The following LPP variants were observed in gnomAD, a reference collection of about 807,000 sequenced individuals.
LPP encodes LIM domain containing preferred translocation partner in lipoma.
A neutral mutation model predicts 60.4 loss-of-function variants in LPP; 38 were observed. The observed-to-expected ratio is 0.63, with a 90% CI of 0.49 to 0.83. The LOEUF is 0.83. LPP is among the 40% of genes least tolerant of loss of function. The pLI is 0.00. For missense variants in LPP, 902 were observed against 783.6 expected (o/e 1.15, Z -1.80); for synonymous variants, 328 against 290.8 (o/e 1.13, Z -1.30).
At chr3:188,672,984 C>T (rs1857253639) in intron 7 of LPP, among the ~76,000 whole-genome samples, 2 of 149,362 alleles carry the variant, frequency 1.3e-5, no homozygotes, top group African/African-American at 5.0e-5. Flanking sequence ...TGTTTCCATT[C>T]AGCACTCGTG....
intron 9 of LPP, among the ~76,000 whole-genome samples, chr3:188,803,155 G>A (rs1020431659): frequency 2.7e-5 from 4 of 145,476 alleles, no homozygotes; most frequent in Admixed American, 7.2e-5. Flanking sequence ...AGCAAATCTT[G>A]TGCTTCAACC....
chr3:188,275,352 C>CTTTATTTA (rs905008286), intron 2 of LPP, among the ~76,000 whole-genome samples: 2 of 152,094 alleles, frequency 1.3e-5, no homozygotes, highest in African/African-American at 4.8e-5. Flanking sequence ...GTGTTACCCA[C>CTTTATTTA]TTTATTTATT....
At chr3:188,725,024 T>A (rs1717847275) in intron 8 of LPP, among the ~76,000 whole-genome samples, 1 of 152,256 alleles carries the variant, frequency 6.6e-6, no homozygotes, top group Non-Finnish European at 1.5e-5. Flanking sequence ...TCAATGTATC[T>A]GTGAATTTTG....
intron 7 of LPP, among the ~76,000 whole-genome samples, chr3:188,676,621 C>T (rs1027184674): frequency 9.8e-5 from 15 of 152,294 alleles, no homozygotes; most frequent in African/African-American, 2.6e-4. Flanking sequence ...TCTCCATCAA[C>T]ATCTAAAGGT....
At chr3:188,824,683 G>T (rs1754904710) in intron 9 of LPP, among the ~76,000 whole-genome samples, 1 of 152,106 alleles carries the variant, frequency 6.6e-6, no homozygotes, top group African/African-American at 2.4e-5. Flanking sequence ...TGGTTATTTT[G>T]TGCTGAATGG....
At position 188,709,635 on chromosome 3, in the gene LPP, G is replaced by C. The variant is rs551289323; in HGVS notation, c.1240+1242G>C. ...GCCTCCCAAAGTGCTGGGATTACAGGTGTGAGCCACTGCGCCCGGCCAGAA... is the reference window on the plus strand; with the variant it reads ...GCCTCCCAAAGTGCTGGGATTACAGCTGTGAGCCACTGCGCCCGGCCAGAA... On this transcript the variant is annotated intron_variant, in intron 8 of 11. Coordinates refer to ENST00000617246, the MANE Select transcript of LPP (RefSeq NM_001375462.1). 173 of 152,366 alleles carry C rather than the reference G, an allele frequency of 1.1e-3. 1 individual carries two copies. Among genetic ancestry groups the C allele is most frequent in the African/African-American group, 4.1e-3 (170 of 41,548 alleles). 9.4% of individuals were successfully genotyped at this position (152,366 alleles called of 1,614,324 possible).
At chr3:188,448,817 CT>C (rs1254021761) in intron 4 of LPP, among the ~76,000 whole-genome samples, 5 of 152,262 alleles carry the variant, frequency 3.3e-5, no homozygotes, top group South Asian at 2.1e-4. Context: ...TCATAAAAAT[CT>C]TAGTGAGTTG....
chr3:188,227,495 G>A (rs1718242262), intron 2 of LPP, among the ~76,000 whole-genome samples: 1 of 152,000 alleles, frequency 6.6e-6, no homozygotes, highest in African/African-American at 2.4e-5. Flanking sequence ...TTTGTTGGGA[G>A]TGGCTTCCGA....
intron 9 of LPP, among the ~76,000 whole-genome samples, chr3:188,858,905 C>G (rs1022180102): frequency 5.3e-5 from 8 of 151,834 alleles, no homozygotes; most frequent in Non-Finnish European, 1.2e-4. Flanking sequence ...GCCTGGCCAA[C>G]ATGGTGAAAC....
At chr3:188,417,023 TGATATTTTTATC>T (rs1448931775) in intron 4 of LPP, among the ~76,000 whole-genome samples, 2 of 152,144 alleles carry the variant, frequency 1.3e-5, no homozygotes, top group East Asian at 3.9e-4. Flanking sequence ...AAAATCAGTA[TGATATTTTTATC>T]ATCCTTTCTT....
intron 2 of LPP, among the ~76,000 whole-genome samples, chr3:188,312,511 G>A (rs1415053219): frequency 6.6e-6 from 1 of 152,086 alleles, no homozygotes; most frequent in East Asian, 1.9e-4. Context: ...GATTTTGTGT[G>A]ATGCCTAGAA....
intron 7 of LPP, among the ~76,000 whole-genome samples, chr3:188,696,526 A>C (rs1416096488): frequency 1.3e-5 from 2 of 152,100 alleles, no homozygotes; most frequent in Non-Finnish European, 2.9e-5. Context: ...ATAGGATGCA[A>C]TGAGCTGAGA....
At chr3:188,190,055 ATT>A (rs36073619) in intron 1 of LPP, among the ~76,000 whole-genome samples, 20 of 131,014 alleles carry the variant, frequency 1.5e-4, no homozygotes, top group African/African-American at 1.7e-4. Context: ...CATTCTGTGG[ATT>A]TTTTTTTTTT....
At chr3:188,258,097 C>T (rs1732276479) in intron 2 of LPP, among the ~76,000 whole-genome samples, 1 of 152,170 alleles carries the variant, frequency 6.6e-6, no homozygotes, top group Non-Finnish European at 1.5e-5. Flanking sequence ...CCCACGGGGC[C>T]CAGATGTTCC....
At chr3:188,828,640 A>AAAAAAAAAAAC (rs1756306374) in intron 9 of LPP, among the ~76,000 whole-genome samples, 4 of 146,976 alleles carry the variant, frequency 2.7e-5, no homozygotes, top group African/African-American at 5.0e-5. Flanking sequence ...AAAAAAAAAA[A>AAAAAAAAAAAC]CTCAGCTGCA....
At chr3:188,649,684 A>G (rs576155920) in intron 7 of LPP, among the ~76,000 whole-genome samples, 4 of 152,134 alleles carry the variant, frequency 2.6e-5, no homozygotes, top group Non-Finnish European at 5.9e-5. Context: ...AAAGCCTTGC[A>G]GTGAGTCATA....
chr3:188,394,750 T>C (rs1258544749), intron 3 of LPP, among the ~76,000 whole-genome samples: 4 of 152,322 alleles, frequency 2.6e-5, no homozygotes, highest in African/African-American at 7.2e-5. Flanking sequence ...GATGTGATTC[T>C]GAAACTGATT....
chr3:188,354,143 T>C (rs1324723309), intron 3 of LPP, among the ~76,000 whole-genome samples: 1 of 152,234 alleles, frequency 6.6e-6, no homozygotes. Context: ...GATAACATTC[T>C]ATATTCTTTC....
chr3:188,530,052 A>G (rs566619222), intron 6 of LPP, among the ~76,000 whole-genome samples: 2 of 152,190 alleles, frequency 1.3e-5, no homozygotes, highest in Admixed American at 1.3e-4. Flanking sequence ...AGGTGCAAGA[A>G]TAACAAGAGT....
Sources: allele counts gnomAD v4.1 joint callset (sites outside exome capture counted in the v4.1 genomes callset), GRCh38; gene constraint gnomAD v4.1.1; transcripts MANE v1.5; gene names NCBI Gene and HGNC (gene_info 2026-07-23, HGNC 2026-07-21).